The following SUDS3 variants were observed in gnomAD, a reference collection of about 807,000 sequenced individuals.
SUDS3 encodes sin3 histone deacetylase corepressor complex component SDS3.
Under a neutral mutation model 53.5 loss-of-function variants are expected in SUDS3, and 23 were observed. That is an observed-to-expected ratio of 0.43 (90% CI 0.31 to 0.61). SUDS3 has a LOEUF of 0.61. SUDS3 is among the 20% of genes least tolerant of loss of function. SUDS3 has a pLI of 0.10. For missense variants in SUDS3, 291 were observed against 405.9 expected (o/e 0.72, Z 2.43); for synonymous variants, 150 against 148.5 (o/e 1.01, Z -0.08).
intron 6 of SUDS3, among the ~76,000 whole-genome samples, chr12:118,396,880 C>T (rs1430779778): frequency 6.6e-6 from 1 of 152,188 alleles, no homozygotes; most frequent in Non-Finnish European, 1.5e-5. Context: ...ATGTCGGAAT[C>T]TGTGCTCCCT....
chr12:118,403,580 G>C, intron 10 of SUDS3, 63 bp downstream of exon 10: 1 of 1,332,310 alleles, frequency 7.5e-7, no homozygotes. Flanking sequence ...AAGAGGGCTG[G>C]GGCTATTGTA....
intron 6 of SUDS3, among the ~76,000 whole-genome samples, chr12:118,393,388 G>C (rs2046185117): frequency 6.6e-6 from 1 of 152,134 alleles, no homozygotes; most frequent in Non-Finnish European, 1.5e-5. Context: ...CTGGAAACGG[G>C]TGTATTTGGC....
chr12:118,394,452 C>G (rs1471189474), intron 6 of SUDS3, among the ~76,000 whole-genome samples: 5 of 152,186 alleles, frequency 3.3e-5, no homozygotes, highest in African/African-American at 1.2e-4. Context: ...GTGTCTGTCT[C>G]ACTCCAAGCA....
Position 118,391,065 on chromosome 12 carries a change from T to A in SUDS3, c.361-61T>A. On this transcript the variant is annotated intron_variant, in intron 5 of 11. Coordinates refer to ENST00000543473, the MANE Select transcript of SUDS3 (RefSeq NM_022491.3). ...TGCAGTTGAGGACAGGGCTAGACTT[T>A]GAGTTGGAGCCCTGGCTCCCAGGGC... 3 of 1,593,660 alleles carry A rather than the reference T, an allele frequency of 1.9e-6. No individual in the cohort carries two copies. The South Asian group carries it at 3.3e-5, about 18-fold the overall frequency.
intron 11 of SUDS3, 59 bp downstream of exon 11, chr12:118,411,216 AG>A: frequency 6.8e-7 from 1 of 1,474,148 alleles, no homozygotes; most frequent in South Asian, 1.2e-5. Context: ...AAGTGTTGGT[AG>A]GGCAAACCTG....
intron 9 of SUDS3, chr12:118,402,229 T>G: frequency 1.8e-6 from 1 of 565,054 alleles, no homozygotes; most frequent in Non-Finnish European, 3.1e-6. Flanking sequence ...TCTTAGGATT[T>G]ATCATAAAAG....
intron 6 of SUDS3, among the ~76,000 whole-genome samples, chr12:118,400,346 A>G (rs934409776): frequency 3.3e-5 from 5 of 151,992 alleles, no homozygotes; most frequent in Non-Finnish European, 5.9e-5. Flanking sequence ...TGGGCTTCTT[A>G]ATTTGAGGGA....
chr12:118,390,029 A>G (rs1015198245), intron 5 of SUDS3, 83 bp downstream of exon 5: 11 of 1,533,126 alleles, frequency 7.2e-6, no homozygotes, highest in Admixed American at 1.7e-5. Flanking sequence ...TTTTCCTTCT[A>G]TCACCAAGTA....
intron 1 of SUDS3, among the ~76,000 whole-genome samples, chr12:118,379,358 A>G (rs923612449): frequency 6.6e-6 from 1 of 151,980 alleles, no homozygotes; most frequent in African/African-American, 2.4e-5. Context: ...AATCGCTTGA[A>G]CCCAGGAGGT....
intron 3 of SUDS3, among the ~76,000 whole-genome samples, chr12:118,384,920 G>A (rs1330362692): frequency 2.0e-5 from 3 of 151,984 alleles, no homozygotes; most frequent in Non-Finnish European, 4.4e-5. Flanking sequence ...CCTTGGACAT[G>A]CCAGTTTCTC....
chr12:118,397,259 A>G lies in SUDS3; in HGVS notation c.518-3400A>G, dbSNP rs562731943. The stretch of plus-strand genomic sequence containing the variant: ...TGTCACACCCCAGGGTCTGAGCTTC[A>G]GTTCTGGAAGTTTGATTTTTGTCAG... On this transcript the variant is annotated intron_variant, in intron 6 of 11. Transcript: ENST00000543473. Among the ~76,000 whole-genome samples, 4 of 152,214 alleles carry G rather than the reference A, an allele frequency of 2.6e-5. No homozygotes were observed. In the East Asian group the frequency reaches 5.8e-4, roughly 22 times the overall value.
chr12:118,376,605 C>T lies in SUDS3; in HGVS notation c.-87C>T. ...CTGCCGGTCCTCGAGTTGGGGGCTG[C>T]CGCGGACACTGCTAGGCAGACGGCG... is the stretch of plus-strand genomic sequence containing the variant. On this transcript the variant is annotated 5_prime_UTR_variant, in exon 1 of 12. Coordinates refer to ENST00000543473, the MANE Select transcript of SUDS3 (RefSeq NM_022491.3). 7.9e-7 allele frequency: 1 copy of T among 1,269,618 alleles called. No homozygotes were observed. The highest frequency in any genetic ancestry group is 9.9e-7 in the Non-Finnish European group (1 of 1,006,884). 78.6% of individuals were successfully genotyped at this position (1,269,618 alleles called of 1,614,324 possible).
intron 10 of SUDS3, among the ~76,000 whole-genome samples, chr12:118,405,301 T>G (rs572611163): frequency 5.2e-5 from 8 of 152,384 alleles, no homozygotes; most frequent in South Asian, 2.1e-4. Context: ...GTGATGTTCA[T>G]TTTGTAATTG....
In SUDS3 at chr12:118,376,623, A is replaced by G; in HGVS notation, c.-69A>G. On this transcript the variant is annotated 5_prime_UTR_variant, in exon 1 of 12. Transcript: ENST00000543473. ...GGGGCTGCCGCGGACACTGCTAGGC[A>G]GACGGCGAGTACCGAGCGCGGGTGG... 1 of 1,376,662 alleles carries G rather than the reference A, an allele frequency of 7.3e-7. No homozygotes were observed. The highest frequency in any genetic ancestry group is 3.0e-5 in the East Asian group (1 of 33,404). The allele number at this position is 1,376,662 out of a possible 1,614,324, so 85.3% of individuals were successfully genotyped here.
chr12:118,386,331 C>T, intron 4 of SUDS3, 146 bp downstream of exon 4: 1 of 701,544 alleles, frequency 1.4e-6, no homozygotes, highest in South Asian at 1.9e-5. Flanking sequence ...GACTTCCAAG[C>T]TGCAGTTATG....
intron 7 of SUDS3, among the ~76,000 whole-genome samples, chr12:118,401,002 A>G (rs566699195): frequency 6.6e-6 from 1 of 152,230 alleles, no homozygotes; most frequent in East Asian, 1.9e-4. Flanking sequence ...TTTGCATGCA[A>G]AGTTCAGCCT....
intron 5 of SUDS3, 75 bp from the exon 6 acceptor site, chr12:118,391,051 A>T (rs773810477): frequency 3.9e-6 from 6 of 1,549,732 alleles, no homozygotes; most frequent in Non-Finnish European, 5.3e-6. Context: ...GCAGTTGAGG[A>T]CAGGGCTAGA....
At position 118,416,817 on chromosome 12, in the gene SUDS3, C is replaced by CTGGG. The variant is rs2046404947; in HGVS notation, c.*2385_*2386insGGGT. 2 of 152,316 alleles carry CTGGG rather than the reference C, an allele frequency of 1.3e-5. No homozygotes were observed. Among genetic ancestry groups the CTGGG allele is most frequent in the South Asian group, 4.1e-4 (2 of 4,828 alleles). 9.4% of individuals were successfully genotyped at this position (152,316 alleles called of 1,614,324 possible). A position where few individuals can be genotyped will look rare whatever the true frequency, so the allele number is the denominator to read the frequency against. ...TTCTAGACGAGAAGGAGGCTAGCTT[C>CTGGG]TAGCCTGGGTGGCCATTATTCCAAA... On this transcript the variant is annotated 3_prime_UTR_variant, in exon 12 of 12. Transcript: ENST00000543473.
Position 118,376,744 on chromosome 12 carries a change from C to A in SUDS3, c.53C>A (p.Pro18Gln). The change falls in exon 1 of 12, where the codon CCG (proline) becomes CAG (glutamine). Residue 18 changes from proline (P) to glutamine (Q), a missense_variant. Transcript: ENST00000543473. ...APAPAQAGAP[P>Q]APEYYPEEDE... The stretch of plus-strand genomic sequence containing the variant: ...GCCCCGGCCCAGGCTGGAGCGCCGC[C>A]GGCCCCCGAGTACTACCCCGAGGAG... 1 of 1,538,326 alleles carries A rather than the reference C, an allele frequency of 6.5e-7. No homozygotes were observed. The highest frequency in any genetic ancestry group is 1.2e-5 in the South Asian group (1 of 83,212).
Sources: gnomAD v4.1 joint callset for allele counts (sites outside exome capture counted in the v4.1 genomes callset) on GRCh38, gnomAD v4.1.1 for gene constraint, MANE v1.5 for transcripts, NCBI Gene and HGNC (gene_info 2026-07-23, HGNC 2026-07-21) for gene names.